KCNK18: variants seen among roughly 807,000 people sequenced by gnomAD.
The protein encoded by KCNK18 is potassium two pore domain channel subfamily K member 18.
Under a neutral mutation model 11.8 loss-of-function variants are expected in KCNK18, and 8 were observed. That is an observed-to-expected ratio of 0.68 (90% CI 0.40 to 1.22). KCNK18 has a LOEUF of 1.22. Ranked by LOEUF, KCNK18 falls within the 50% of genes most tolerant of loss-of-function variation. KCNK18 has a pLI of 0.01. For missense variants in KCNK18, 442 were observed against 465.4 expected, an observed-to-expected ratio of 0.95 and a Z score of 0.46; for synonymous variants, 208 against 185.8, an observed-to-expected ratio of 1.12 and a Z score of -0.97.
chr10:117,197,764 C>T, intron 1 of KCNK18, 53 bp downstream of exon 1: 1 of 1,517,410 alleles, frequency 6.6e-7, no homozygotes, highest in Non-Finnish European at 9.1e-7. Flanking sequence ...GGCAGCAGTC[C>T]CCCAAGAGCA....
rs1274147777 is a variant in KCNK18 at position 117,197,506 on chromosome 10, C to A, written c.18C>A (p.His6Gln). The A allele has an allele frequency of 3.7e-6, 6 of 1,613,118 alleles. No homozygotes were observed. The highest frequency in any genetic ancestry group is 1.3e-5 in the African/African-American group (1 of 74,900). The change falls in exon 1 of 3, where the codon CAC (histidine) becomes CAA (glutamine). Residue 6 changes from histidine (H) to glutamine (Q), a missense_variant. His to Gln is a conservative substitution (Grantham distance 24). Coordinates refer to ENST00000334549, the MANE Select transcript of KCNK18 (RefSeq NM_181840.1). MEVSGHPQARRCCPEA... is the reference protein window; with the variant it reads MEVSGQPQARRCCPEA... ...CAGGGACGATGGAGGTCTCGGGGCA[C>A]CCCCAGGCCAGGAGATGCTGCCCAG...
chr10:117,202,885 GCTTTTT>G (rs1333684147), intron 2 of KCNK18, among the ~76,000 whole-genome samples: 13 of 111,294 alleles, frequency 1.2e-4, no homozygotes, highest in South Asian at 5.5e-4. Context: ...TTGCCTGAAT[GCTTTTT>G]TTTTTTTTTT....
chr10:117,205,891 A>C (rs1855069384), intron 2 of KCNK18, among the ~76,000 whole-genome samples: 1 of 151,994 alleles, frequency 6.6e-6, no homozygotes, highest in Non-Finnish European at 1.5e-5. Context: ...CTCTACTAAA[A>C]ATACAAAAAT....
At chr10:117,207,006 T>C (rs1247198967) in intron 2 of KCNK18, among the ~76,000 whole-genome samples, 1 of 152,114 alleles carries the variant, frequency 6.6e-6, no homozygotes, top group East Asian at 1.9e-4. Context: ...AAATCTTTCC[T>C]GGGCCCAAAT....
chr10:117,201,343 G>A, intron 2 of KCNK18, 56 bp downstream of exon 2: 3 of 1,596,914 alleles, frequency 1.9e-6, no homozygotes, highest in Non-Finnish European at 2.6e-6. Flanking sequence ...TGGGTTTCTG[G>A]GTGGCAAAGG....
chr10:117,205,660 A>G (rs1408282773), intron 2 of KCNK18, among the ~76,000 whole-genome samples: 1 of 151,896 alleles, frequency 6.6e-6, no homozygotes, highest in African/African-American at 2.4e-5. Context: ...TTTATCTCTC[A>G]CCTGGGCAGG....
intron 1 of KCNK18, among the ~76,000 whole-genome samples, chr10:117,200,477 C>G (rs751810694): frequency 6.6e-5 from 10 of 151,914 alleles, no homozygotes; most frequent in Non-Finnish European, 1.2e-4. Flanking sequence ...ACTTGAGAAC[C>G]CTGTGTGAGA....
At chr10:117,205,970 A>T (rs566729481) in intron 2 of KCNK18, among the ~76,000 whole-genome samples, 43 of 152,244 alleles carry the variant, frequency 2.8e-4, no homozygotes, top group Admixed American at 2.6e-3. Context: ...GAATCTCTTG[A>T]ACCCAGGAGG....
chr10:117,199,263 T>G (rs945865624), intron 1 of KCNK18, among the ~76,000 whole-genome samples: 35 of 152,196 alleles, frequency 2.3e-4, no homozygotes, highest in African/African-American at 8.4e-4. Context: ...GAGGCTACAG[T>G]GAGCCGTGAT....
intron 1 of KCNK18, among the ~76,000 whole-genome samples, chr10:117,198,221 C>T (rs905934384): frequency 6.6e-6 from 1 of 152,176 alleles, no homozygotes; most frequent in African/African-American, 2.4e-5. Context: ...GCCCCCACTT[C>T]CTGTTTCAAA....
chr10:117,197,501 G>A lies in KCNK18; in HGVS notation c.13G>A (p.Gly5Arg), dbSNP rs376421415. The part of the protein sequence containing the change: MEVS[G>R]HPQARRCCPE... ...TGCTTCAGGGACGATGGAGGTCTCG[G>A]GGCACCCCCAGGCCAGGAGATGCTG... The change falls in exon 1 of 3, where the codon GGG becomes AGG. Residue 5 changes from glycine (G) to arginine (R), a missense_variant. By Grantham distance (125) the Gly-to-Arg change is moderately radical. Transcript: ENST00000334549. 2.1e-4 allele frequency: 339 copies of A among 1,613,100 alleles called. 2 individuals are homozygous for A. The South Asian group carries it at 3.5e-3, about 17-fold the overall frequency.
chr10:117,198,213 C>T (rs59578980), intron 1 of KCNK18, among the ~76,000 whole-genome samples: 10,204 of 152,190 alleles, frequency 0.067, 558 homozygotes, highest in Admixed American at 0.16. Flanking sequence ...CCACCCACGC[C>T]CCCACTTCCT....
chr10:117,198,213 C>A (rs59578980), intron 1 of KCNK18, among the ~76,000 whole-genome samples: 4 of 152,108 alleles, frequency 2.6e-5, no homozygotes, highest in Non-Finnish European at 5.9e-5. Context: ...CCACCCACGC[C>A]CCCACTTCCT....
intron 2 of KCNK18, among the ~76,000 whole-genome samples, chr10:117,203,951 G>C (rs1213946630): frequency 1.3e-5 from 2 of 152,206 alleles, no homozygotes; most frequent in Non-Finnish European, 2.9e-5. Flanking sequence ...AAAGTTCTGG[G>C]ATTATACGCT....
chr10:117,206,633 C>A lies in KCNK18; in HGVS notation c.353-2864C>A, dbSNP rs546736937. On this transcript the variant is annotated intron_variant, in intron 2 of 2. Transcript: ENST00000334549. ...GCCCACCTCCCGGCCTCCCCTTGCT[C>A]CCCTCCCCTACCTCCCTGCACACTA... Among the ~76,000 whole-genome samples the A allele has an allele frequency of 5.9e-5, 9 of 152,260 alleles. No individual in the cohort carries two copies. In the South Asian group the frequency reaches 1.9e-3, roughly 32 times the overall value.
chr10:117,204,980 G>A (rs946789473), intron 2 of KCNK18, among the ~76,000 whole-genome samples: 1 of 152,168 alleles, frequency 6.6e-6, no homozygotes, highest in Admixed American at 6.5e-5. Context: ...ACATCATGCC[G>A]CCCAGTAATT....
chr10:117,203,007 C>A (rs527633482), intron 2 of KCNK18, among the ~76,000 whole-genome samples: 11 of 148,180 alleles, frequency 7.4e-5, no homozygotes, highest in African/African-American at 2.2e-4. Context: ...CCCCAAGTAG[C>A]TGGGATTACA....
intron 2 of KCNK18, among the ~76,000 whole-genome samples, chr10:117,207,339 G>T (rs1352971409): frequency 6.6e-6 from 1 of 152,064 alleles, no homozygotes; most frequent in Non-Finnish European, 1.5e-5. Flanking sequence ...TAGGATAGGT[G>T]CCTTTGTTCT....
chr10:117,198,339 T>C (rs1330532812), intron 1 of KCNK18, among the ~76,000 whole-genome samples: 1 of 152,080 alleles, frequency 6.6e-6, no homozygotes, highest in Non-Finnish European at 1.5e-5. Flanking sequence ...CAGCTTGCTC[T>C]GCAATCCGTG....
Sources: gnomAD v4.1 joint callset for allele counts (sites outside exome capture counted in the v4.1 genomes callset) on GRCh38, gnomAD v4.1.1 for gene constraint, MANE v1.5 for transcripts, NCBI Gene and HGNC (gene_info 2026-07-23, HGNC 2026-07-21) for gene names.